Variants in BPIFC observed in about 807,000 individuals in gnomAD.
BPIFC encodes BPI fold containing family C.
A neutral mutation model predicts 57.6 loss-of-function variants in BPIFC; 60 were observed. That is an observed-to-expected ratio of 1.04 (90% CI 0.85 to 1.29). The LOEUF is 1.29. Among genes scored for constraint, BPIFC ranks in the 50% most tolerant of loss-of-function variants. The pLI is 0.00. For missense variants in BPIFC, 581 were observed against 600.5 expected (o/e 0.97, Z 0.34); for synonymous variants, 243 against 224.5 (o/e 1.08, Z -0.74).
intron 13 of BPIFC, among the ~76,000 whole-genome samples, chr22:32,423,214 T>A (rs1009292334): frequency 6.6e-6 from 1 of 152,196 alleles, no homozygotes; most frequent in African/African-American, 2.4e-5. Flanking sequence ...GGGAAGAATG[T>A]GTTGAACCCA....
intron 2 of BPIFC, among the ~76,000 whole-genome samples, chr22:32,459,517 G>A (rs944853030): frequency 1.3e-5 from 2 of 152,014 alleles, no homozygotes; most frequent in Non-Finnish European, 2.9e-5. Flanking sequence ...CAAAAAATTA[G>A]CTGGGTGTGG....
intron 9 of BPIFC, among the ~76,000 whole-genome samples, chr22:32,436,571 C>G (rs568476385): frequency 7.0e-4 from 107 of 152,304 alleles, no homozygotes; most frequent in African/African-American, 2.4e-3. Context: ...TTTCAAAGCT[C>G]TTAGGATTCT....
chr22:32,415,267 G>GTTCC (rs1432375130), intron 16 of BPIFC, among the ~76,000 whole-genome samples: 2 of 152,180 alleles, frequency 1.3e-5, no homozygotes, highest in Non-Finnish European at 2.9e-5. Flanking sequence ...GTGCAACCAG[G>GTTCC]TTCCTAACAG....
chr22:32,453,141 C>T (rs974973085), intron 4 of BPIFC, among the ~76,000 whole-genome samples: 3 of 152,116 alleles, frequency 2.0e-5, no homozygotes, highest in Admixed American at 6.6e-5. Context: ...CTTTTAAGAA[C>T]GCCTTTACCC....
intron 16 of BPIFC, 64 bp from the exon 17 acceptor site, chr22:32,414,489 G>T: frequency 1.9e-6 from 3 of 1,559,796 alleles, no homozygotes; most frequent in Non-Finnish European, 2.6e-6. Context: ...TGTCTGAGGC[G>T]TGAGGAAGAG....
intron 13 of BPIFC, 133 bp from the exon 14 acceptor site, chr22:32,419,537 C>A: frequency 1.1e-6 from 1 of 870,474 alleles, no homozygotes; most frequent in Non-Finnish European, 1.8e-6. Context: ...GGCATGGTGG[C>A]CCACGCCTGT....
At chr22:32,430,693 T>C (rs918223744) in intron 13 of BPIFC, among the ~76,000 whole-genome samples, 14 of 151,690 alleles carry the variant, frequency 9.2e-5, no homozygotes, top group Non-Finnish European at 1.5e-4. Context: ...CAGGTTGGAG[T>C]GCAGTGGCAC....
intron 13 of BPIFC, among the ~76,000 whole-genome samples, chr22:32,424,066 C>A (rs1326143447): frequency 1.3e-5 from 2 of 151,930 alleles, no homozygotes. Flanking sequence ...CTACTAGGAA[C>A]AAATATTTCT....
At chr22:32,450,386 C>T (rs1471421981) in intron 4 of BPIFC, among the ~76,000 whole-genome samples, 3 of 152,038 alleles carry the variant, frequency 2.0e-5, no homozygotes, top group Non-Finnish European at 4.4e-5. Context: ...ATAATGTTTG[C>T]ACAATAATGA....
chr22:32,443,108 G>A (rs1223475483), intron 7 of BPIFC, among the ~76,000 whole-genome samples: 1 of 151,670 alleles, frequency 6.6e-6, no homozygotes, highest in African/African-American at 2.4e-5. Context: ...CCGCCAGCTT[G>A]CCATCTCCTC....
intron 10 of BPIFC, among the ~76,000 whole-genome samples, chr22:32,434,098 C>A (rs62241170): frequency 0.33 from 46,812 of 140,458 alleles, 7,830 homozygotes; most frequent in South Asian, 0.43. Flanking sequence ...ATATATATAT[C>A]TATATGTACA....
At chr22:32,433,648 C>T in intron 11 of BPIFC, 71 bp downstream of exon 11, 1 of 1,378,550 alleles carries the variant, frequency 7.3e-7, no homozygotes, top group Non-Finnish European at 1.0e-6. Flanking sequence ...ATACGTAGAA[C>T]CCACAAGTCT....
At chr22:32,416,882 G>A (rs1242072369) in intron 15 of BPIFC, among the ~76,000 whole-genome samples, 1 of 152,176 alleles carries the variant, frequency 6.6e-6, no homozygotes, top group African/African-American at 2.4e-5. Flanking sequence ...TGCTAACAGG[G>A]CTTGGACCTA....
At chr22:32,461,455 G>T (rs1424909040) in intron 2 of BPIFC, 119 bp downstream of exon 2, 21 of 405,294 alleles carry the variant, frequency 5.2e-5, no homozygotes, top group Non-Finnish European at 6.7e-5. Context: ...GCCAAGCAAT[G>T]AGTGATCTGA....
intron 11 of BPIFC, among the ~76,000 whole-genome samples, chr22:32,432,840 C>T (rs1015273335): frequency 5.3e-5 from 8 of 152,058 alleles, no homozygotes; most frequent in South Asian, 2.1e-4. Context: ...TAGTGGAGAA[C>T]GTGAGTCTTA....
intron 13 of BPIFC, among the ~76,000 whole-genome samples, chr22:32,425,308 C>T (rs1934034926): frequency 6.6e-6 from 1 of 152,126 alleles, no homozygotes; most frequent in Admixed American, 6.5e-5. Context: ...ATTTATTGAG[C>T]ACTGTGCCAG....
intron 13 of BPIFC, among the ~76,000 whole-genome samples, chr22:32,428,276 C>CGTGT (rs56020393): frequency 0.057 from 8,388 of 146,416 alleles, 276 homozygotes; most frequent in African/African-American, 0.092. Flanking sequence ...TGTGCGCGCG[C>CGTGT]GTGTGTGTGT....
chr22:32,452,154 G>A (rs916038156), intron 4 of BPIFC, among the ~76,000 whole-genome samples: 4 of 152,000 alleles, frequency 2.6e-5, no homozygotes, highest in Non-Finnish European at 4.4e-5. Context: ...CTCCCACCTC[G>A]GCCTCCCAAA....
chr22:32,428,274 CGCGT>C (rs1450585637), intron 13 of BPIFC, among the ~76,000 whole-genome samples: 3,609 of 144,592 alleles, frequency 0.025, 128 homozygotes, highest in African/African-American at 0.087. Flanking sequence ...TGTGTGCGCG[CGCGT>C]GTGTGTGTGT....
Sources: gnomAD v4.1 joint callset for allele counts (sites outside exome capture counted in the v4.1 genomes callset) on GRCh38, gnomAD v4.1.1 for gene constraint, MANE v1.5 for transcripts, NCBI Gene and HGNC (gene_info 2026-07-23, HGNC 2026-07-21) for gene names.